The following RYR3 variants were observed in gnomAD, a reference collection of about 807,000 sequenced individuals.
RYR3 encodes the protein ryanodine receptor 3, also known as brain ryanodine receptor-calcium release channel.
In RYR3, 207 loss-of-function variants were observed where a neutral mutation model predicts 584.3. The ratio of observed to expected loss-of-function variants is 0.35; its 90% CI spans 0.32 to 0.40. The LOEUF (loss-of-function observed/expected upper bound fraction) is 0.40. Ranked by LOEUF, RYR3 falls within the 10% of genes least tolerant of loss-of-function variation. RYR3 has a pLI of 1.00. For synonymous variants in RYR3, 2,416 were observed against 2,248.5 expected, an observed-to-expected ratio of 1.07 and a Z score of -2.11; for missense variants, 5,616 against 6,089.2, an observed-to-expected ratio of 0.92 and a Z score of 2.59.
intron 1 of RYR3, among the ~76,000 whole-genome samples, chr15:33,382,245 G>A (rs1463350131): frequency 6.6e-6 from 1 of 150,928 alleles, no homozygotes; most frequent in East Asian, 2.0e-4. Context: ...CTGAATTTAG[G>A]TATTAAAACT....
intron 1 of RYR3, among the ~76,000 whole-genome samples, chr15:33,391,762 T>G (rs2042012969): frequency 6.6e-6 from 1 of 152,174 alleles, no homozygotes; most frequent in Non-Finnish European, 1.5e-5. Flanking sequence ...TTCCATTTCT[T>G]TAGGGTTCTT....
intron 2 of RYR3, among the ~76,000 whole-genome samples, chr15:33,500,685 A>G (rs1412540921): frequency 3.3e-5 from 5 of 152,194 alleles, no homozygotes; most frequent in Non-Finnish European, 5.9e-5. Context: ...CCTGCCAGGT[A>G]GAGTGACTGA....
intron 34 of RYR3, among the ~76,000 whole-genome samples, chr15:33,660,682 A>T (rs1344284060): frequency 6.6e-6 from 1 of 152,214 alleles, no homozygotes; most frequent in African/African-American, 2.4e-5. Context: ...GCCATGCCTT[A>T]AATTAAAAAC....
intron 1 of RYR3, among the ~76,000 whole-genome samples, chr15:33,399,677 A>G (rs973816919): frequency 6.6e-6 from 1 of 152,166 alleles, no homozygotes; most frequent in Non-Finnish European, 1.5e-5. Flanking sequence ...GAAATTGTTC[A>G]TGGGCGACAG....
At chr15:33,511,026 C>A (rs1454127460) in intron 3 of RYR3, among the ~76,000 whole-genome samples, 3 of 152,032 alleles carry the variant, frequency 2.0e-5, no homozygotes, top group South Asian at 4.1e-4. Flanking sequence ...AAGAAAGCAC[C>A]TTTCTTGGTC....
intron 12 of RYR3, among the ~76,000 whole-genome samples, chr15:33,574,119 T>C (rs2058173964): frequency 6.6e-6 from 1 of 152,128 alleles, no homozygotes; most frequent in Admixed American, 6.5e-5. Context: ...AATATCACAC[T>C]GATAATGGCA....
rs546553480 is a variant in RYR3, at chr15:33,485,483, C to T, written c.171+11945C>T. On this transcript the variant is annotated intron_variant, in intron 2 of 103. Transcript: ENST00000634891. ...AGAGGTGGTCAGTGTGCAAAATTGC[C>T]GATACAGTGGAAAGGCCTGGTGTTA... Among the ~76,000 whole-genome samples the T allele has an allele frequency of 3.9e-5, 6 of 152,090 alleles. No homozygotes were observed. In the South Asian group the frequency reaches 8.3e-4, roughly 21 times the overall value.
chr15:33,857,605 A>G (rs547341877), intron 98 of RYR3, among the ~76,000 whole-genome samples, 175 bp from the exon 99 acceptor site: 1 of 151,956 alleles, frequency 6.6e-6, no homozygotes, highest in East Asian at 1.9e-4. Context: ...CTGTGGTGCC[A>G]TCTTTCCTCC....
At chr15:33,364,042 C>G (rs1975133247) in intron 1 of RYR3, among the ~76,000 whole-genome samples, 1 of 152,088 alleles carries the variant, frequency 6.6e-6, no homozygotes, top group Non-Finnish European at 1.5e-5. Context: ...TTGAGGTGTG[C>G]AGTGAGTGTG....
rs182176981 is a variant in RYR3, at chr15:33,330,652, G to A, written c.51+19556G>A. On this transcript the variant is annotated intron_variant, in intron 1 of 103. Coordinates refer to ENST00000634891, the MANE Select transcript of RYR3 (RefSeq NM_001036.6). ...ACTAATACTATGCTCCCAGATAGTTGTATTTTAAAATCAGTCTTCAATGTC... is the reference window on the plus strand; with the variant it reads ...ACTAATACTATGCTCCCAGATAGTTATATTTTAAAATCAGTCTTCAATGTC... Among the ~76,000 whole-genome samples, 13 of 152,206 alleles carry A rather than the reference G, an allele frequency of 8.5e-5. No homozygotes were observed. In the East Asian group the frequency reaches 2.3e-3, roughly 27 times the overall value.
chr15:33,415,226 T>C (rs910219911), intron 1 of RYR3, among the ~76,000 whole-genome samples: 5 of 152,234 alleles, frequency 3.3e-5, no homozygotes, highest in Admixed American at 1.3e-4. Context: ...TAAATATGAT[T>C]GAACTACCAG....
chr15:33,312,727 G>A (rs1037634263), intron 1 of RYR3, among the ~76,000 whole-genome samples: 1 of 152,154 alleles, frequency 6.6e-6, no homozygotes, highest in Non-Finnish European at 1.5e-5. Flanking sequence ...TCTTCAGACA[G>A]GGTCAGTGTT....
intron 12 of RYR3, among the ~76,000 whole-genome samples, chr15:33,573,153 G>A (rs1032404600): frequency 6.6e-6 from 1 of 152,014 alleles, no homozygotes; most frequent in African/African-American, 2.4e-5. Context: ...CCACCCTCAA[G>A]AGGGAAATTC....
chr15:33,754,534 C>A (rs941006070), intron 57 of RYR3, among the ~76,000 whole-genome samples: 1 of 152,152 alleles, frequency 6.6e-6, no homozygotes, highest in Non-Finnish European at 1.5e-5. Context: ...CTCCTTCAAG[C>A]CTTTATTGCA....
intron 51 of RYR3, among the ~76,000 whole-genome samples, chr15:33,741,383 C>A (rs1468298323): frequency 6.6e-6 from 1 of 152,146 alleles, no homozygotes; most frequent in Non-Finnish European, 1.5e-5. Context: ...AATTTACTGC[C>A]CTAGTTTCAC....
At chr15:33,696,621 C>A in intron 39 of RYR3, 130 bp downstream of exon 39, 1 of 979,338 alleles carries the variant, frequency 1.0e-6, no homozygotes, top group Non-Finnish European at 1.5e-6. Flanking sequence ...CAATTTCACT[C>A]CTCATGGAGT....
At chr15:33,622,777 G>T (rs1385004065) in intron 19 of RYR3, among the ~76,000 whole-genome samples, 1 of 152,322 alleles carries the variant, frequency 6.6e-6, no homozygotes, top group East Asian at 1.9e-4. Context: ...AAAACTGGTT[G>T]TATTTCCTCA....
chr15:33,858,363 C>T (rs1381654353), intron 99 of RYR3, among the ~76,000 whole-genome samples: 1 of 152,112 alleles, frequency 6.6e-6, no homozygotes, highest in Non-Finnish European at 1.5e-5. Flanking sequence ...CACCACCACA[C>T]CTGGCTAATT....
At chr15:33,761,762 G>A (rs1209752744) in intron 60 of RYR3, among the ~76,000 whole-genome samples, 1 of 152,168 alleles carries the variant, frequency 6.6e-6, no homozygotes, top group East Asian at 1.9e-4. Context: ...TATGAGGCCA[G>A]CATTATTCTG....
Sources: allele counts gnomAD v4.1 joint callset (sites outside exome capture counted in the v4.1 genomes callset), GRCh38; gene constraint gnomAD v4.1.1; transcripts MANE v1.5; gene names NCBI Gene and HGNC (gene_info 2026-07-23, HGNC 2026-07-21).